CBFB: variants seen among roughly 807,000 people sequenced by gnomAD.
CBFB encodes the protein core-binding factor subunit beta.
In CBFB, 9 loss-of-function variants were observed where a neutral mutation model predicts 30.4. The ratio of observed to expected loss-of-function variants is 0.30; its 90% CI spans 0.18 to 0.52. CBFB has a LOEUF of 0.52. Ranked by LOEUF, CBFB falls within the 20% of genes least tolerant of loss-of-function variation. The probability of loss-of-function intolerance (pLI) is 0.97; values close to 1 mark genes in which losing one functional copy is unlikely to be tolerated. For synonymous variants in CBFB, 94 were observed against 84.0 expected (o/e 1.12, Z -0.65); for missense variants, 170 against 244.0 (o/e 0.70, Z 2.02).
chr16:67,080,985 T>TAAAA (rs1261339740), intron 4 of CBFB, among the ~76,000 whole-genome samples: 6 of 152,146 alleles, frequency 3.9e-5, no homozygotes, highest in Non-Finnish European at 8.8e-5. Flanking sequence ...GACTTTTTTT[T>TAAAA]ATATATATAC....
intron 5 of CBFB, among the ~76,000 whole-genome samples, chr16:67,089,908 T>C (rs1432453160): frequency 6.6e-6 from 1 of 152,242 alleles, no homozygotes; most frequent in African/African-American, 2.4e-5. Flanking sequence ...CCAGTTTCTT[T>C]ACCCCTTCTT....
At chr16:67,097,554 A>AG (rs1962088698) in intron 5 of CBFB, among the ~76,000 whole-genome samples, 1 of 152,072 alleles carries the variant, frequency 6.6e-6, no homozygotes. Context: ...TCAAAAAAAA[A>AG]AAAAAAAAAG....
chr16:67,084,075 G>A (rs1961644554), intron 5 of CBFB, among the ~76,000 whole-genome samples: 1 of 150,984 alleles, frequency 6.6e-6, no homozygotes, highest in African/African-American at 2.4e-5. Context: ...GCTGAAGCAG[G>A]GGGATAGCTT....
chr16:67,036,854 C>T, intron 3 of CBFB, 99 bp downstream of exon 3: 1 of 742,828 alleles, frequency 1.3e-6, no homozygotes, highest in South Asian at 1.5e-5. Context: ...TCTGATTATA[C>T]CAGCATATGC....
intron 3 of CBFB, among the ~76,000 whole-genome samples, chr16:67,050,745 A>T (rs1332839262): frequency 6.6e-6 from 1 of 152,102 alleles, no homozygotes; most frequent in Non-Finnish European, 1.5e-5. Flanking sequence ...GTGAACTATG[A>T]TTGAGCCATG....
rs765500061 is a variant in CBFB, at chr16:67,082,298, A to G, written c.485A>G (p.Glu162Gly). 6.2e-7 allele frequency: 1 copy of G among 1,612,550 alleles called. No homozygotes were observed. Among genetic ancestry groups the G allele is most frequent in the Non-Finnish European group, 8.5e-7 (1 of 1,178,850 alleles). The change falls in exon 5 of 6, where the codon GAG (glutamate) becomes GGG (glycine). Residue 162 changes from glutamate (E) to glycine (G), a missense_variant. Physicochemically the swap from Glu to Gly is moderately conservative, Grantham distance 98 (BLOSUM62 -2). Transcript: ENST00000412916. The stretch of plus-strand genomic sequence containing the variant: ...GAAGATAGAGACAGGTCTCATCGGG[A>G]GGAAATGGAGGTGAGAGTTTCACAG... ...EFEDRDRSHR[E>G]EMEARRQQDP...
rs57425666 is a variant in CBFB, at chr16:67,075,197, ATGTGTG to A, written c.400-6984_400-6979del. The stretch of plus-strand genomic sequence containing the variant: ...AGAGCGAGATTCTATCTCAAAAAAA[ATGTGTG>A]TGTGTGTGTGTGTGTGTGTGTGTGT... On this transcript the variant is annotated intron_variant, in intron 4 of 5. Coordinates refer to ENST00000412916, the MANE Select transcript of CBFB (RefSeq NM_022845.3). 3.8e-3 allele frequency among the ~76,000 whole-genome samples: 537 copies of A among 142,748 alleles called. 1 individual carries two copies. The highest frequency in any genetic ancestry group is 0.011 in the African/African-American group (434 of 39,074). The allele number at this position is 142,748 out of a possible 152,430, so 93.6% of individuals were successfully genotyped here. A position where few individuals can be genotyped will look rare whatever the true frequency, so the allele number is the denominator to read the frequency against.
intron 5 of CBFB, among the ~76,000 whole-genome samples, chr16:67,095,354 TA>T (rs1962014487): frequency 6.6e-6 from 1 of 151,508 alleles, no homozygotes; most frequent in Non-Finnish European, 1.5e-5. Flanking sequence ...CCGTCTGTAC[TA>T]AAATACAAAA....
At chr16:67,098,681 G>T in intron 5 of CBFB, 29 bp from the exon 6 acceptor site, 1 of 1,421,840 alleles carries the variant, frequency 7.0e-7, no homozygotes, top group South Asian at 1.2e-5. Flanking sequence ...AACACTTTTT[G>T]ACCCCAAATT....
In CBFB at chr16:67,100,084, AGT is replaced by A. The variant is rs1567629087; in HGVS notation, c.*1308_*1309del. On this transcript the variant is annotated 3_prime_UTR_variant, in exon 6 of 6. Transcript: ENST00000412916. ...ATTGCAACTTTTTTTTTAGATACAGAGTGGAAAACAGTGCTAAGTCATTTGGC... is the reference window on the plus strand; with the variant it reads ...ATTGCAACTTTTTTTTTAGATACAGAGGAAAACAGTGCTAAGTCATTTGGC... The A allele has an allele frequency of 4.7e-6, 1 of 212,398 alleles. No homozygotes were observed. The highest frequency in any genetic ancestry group is 9.5e-6 in the Non-Finnish European group (1 of 104,716). The allele number at this position is 212,398 out of a possible 1,614,324, so 13.2% of individuals were successfully genotyped here.
At chr16:67,094,117 CTTTTTT>C (rs757109594) in intron 5 of CBFB, among the ~76,000 whole-genome samples, 3 of 130,586 alleles carry the variant, frequency 2.3e-5, no homozygotes, top group African/African-American at 3.0e-5. Context: ...CTTCCTCCCT[CTTTTTT>C]TTTTTTTTTT....
intron 3 of CBFB, among the ~76,000 whole-genome samples, chr16:67,063,561 C>T (rs1960970207): frequency 2.6e-5 from 4 of 152,202 alleles, no homozygotes; most frequent in African/African-American, 9.6e-5. Context: ...CCTGCATCAG[C>T]CTCCCAAGGA....
At chr16:67,060,000 A>G (rs1960851233) in intron 3 of CBFB, among the ~76,000 whole-genome samples, 2 of 149,022 alleles carry the variant, frequency 1.3e-5, no homozygotes, top group Non-Finnish European at 3.0e-5. Flanking sequence ...GTTGAGACAG[A>G]GTTTCGCTCT....
At chr16:67,045,785 C>G (rs777751174) in intron 3 of CBFB, among the ~76,000 whole-genome samples, 2 of 150,296 alleles carry the variant, frequency 1.3e-5, no homozygotes, top group Non-Finnish European at 2.9e-5. Context: ...CTCCTTCCTT[C>G]TACTTTCTAC....
At chr16:67,078,027 C>T (rs1961451128) in intron 4 of CBFB, among the ~76,000 whole-genome samples, 1 of 152,148 alleles carries the variant, frequency 6.6e-6, no homozygotes, top group Admixed American at 6.5e-5. Flanking sequence ...CTTATCCTAC[C>T]CGAACCTGAA....
At chr16:67,058,649 AATT>A in intron 3 of CBFB, among the ~76,000 whole-genome samples, 1 of 152,300 alleles carries the variant, frequency 6.6e-6, no homozygotes, top group Middle Eastern at 3.4e-3. Flanking sequence ...TTCAAATGGA[AATT>A]ATTATAGGAA....
chr16:67,033,063 C>T (rs189018458), intron 2 of CBFB, among the ~76,000 whole-genome samples: 10 of 152,204 alleles, frequency 6.6e-5, no homozygotes, highest in East Asian at 1.9e-4. Flanking sequence ...TTAGTAGAGA[C>T]GGAGTTTCAC....
intron 4 of CBFB, among the ~76,000 whole-genome samples, chr16:67,068,991 G>T (rs983805585): frequency 2.0e-5 from 3 of 152,136 alleles, no homozygotes; most frequent in African/African-American, 4.8e-5. Flanking sequence ...AAGGCGGGCG[G>T]ATCACCTGAG....
At chr16:67,051,944 CGCAT>C (rs1960562538) in intron 3 of CBFB, among the ~76,000 whole-genome samples, 2 of 148,378 alleles carry the variant, frequency 1.3e-5, no homozygotes, top group South Asian at 4.3e-4. Flanking sequence ...CACACACACA[CGCAT>C]ACATATATAT....
Sources: allele counts gnomAD v4.1 joint callset (sites outside exome capture counted in the v4.1 genomes callset), GRCh38; gene constraint gnomAD v4.1.1; transcripts MANE v1.5; gene names NCBI Gene and HGNC (gene_info 2026-07-23, HGNC 2026-07-21).